The following FDXR variants were observed in gnomAD, a reference collection of about 807,000 sequenced individuals.
FDXR encodes the protein ferredoxin reductase, also known as NADPH:adrenodoxin oxidoreductase, mitochondrial.
Under a neutral mutation model 58.3 loss-of-function variants are expected in FDXR, and 38 were observed. The ratio of observed to expected loss-of-function variants is 0.65; its 90% CI spans 0.50 to 0.85. FDXR has a LOEUF of 0.85. Among genes scored for constraint, FDXR ranks in the 40% least tolerant of loss-of-function variants. The probability of loss-of-function intolerance (pLI) is 0.00; values close to 1 mark genes in which losing one functional copy is unlikely to be tolerated. For synonymous variants in FDXR, 275 were observed against 273.8 expected (o/e 1.00, Z -0.04); for missense variants, 624 against 671.0 (o/e 0.93, Z 0.77).
At chr17:74,863,827 GC>G (rs775821174) in intron 10 of FDXR, 68 bp downstream of exon 10, 1 of 1,542,852 alleles carries the variant, frequency 6.5e-7, no homozygotes, top group Non-Finnish European at 8.8e-7. Flanking sequence ...TGAACGCATG[GC>G]CCCAGGAGAT....
intron 2 of FDXR, among the ~76,000 whole-genome samples, chr17:74,867,777 C>G (rs2038242503): frequency 6.7e-6 from 1 of 149,160 alleles, no homozygotes; most frequent in South Asian, 2.1e-4. Flanking sequence ...GCTCTGCCAC[C>G]AACCAGCCAC....
At position 74,863,943 on chromosome 17, in the gene FDXR, T is replaced by C. The variant is rs141306639; in HGVS notation, c.1127A>G (p.Lys376Arg). ...CTCCACATTGGGGATGACCCCAAGC[T>C]TGGAGTCAAAGGGCACGCTTGGGTC... ...PVDPSVPFDS[K>R]LGVIPNVEGR... is the part of the protein sequence containing the mutation. Residue 376 changes from lysine (K) to arginine (R), a missense_variant, in exon 10 of 12, where the codon AAG becomes AGG. Coordinates refer to ENST00000293195, the MANE Select transcript of FDXR (RefSeq NM_024417.5). 264 of 1,614,016 alleles carry C rather than the reference T, an allele frequency of 1.6e-4. No individual in the cohort carries two copies. The African/African-American group carries it at 2.4e-3, about 15-fold the overall frequency.
intron 3 of FDXR, 59 bp from the exon 4 acceptor site, chr17:74,866,627 T>A (rs1284600859): frequency 5.6e-6 from 9 of 1,609,766 alleles, no homozygotes; most frequent in Non-Finnish European, 7.6e-6. Context: ...AGGGACCAAG[T>A]CTGCACCACC....
rs368300344 is a variant in FDXR at position 74,866,385 on chromosome 17, C to T, written c.393+61G>A. On this transcript the variant is annotated intron_variant, in intron 4 of 11. Transcript: ENST00000293195. ...GCCTCACCCCTGCTGCCTTCCACCC[C>T]GAGCCACCGGCCTCCTTCTGCAGCC... 52 of 1,597,678 alleles carry T rather than the reference C, an allele frequency of 3.3e-5. 1 individual carries two copies. Among genetic ancestry groups the T allele is most frequent in the Middle Eastern group, 3.4e-4 (2 of 5,910 alleles).
intron 2 of FDXR, chr17:74,868,623 C>A: frequency 1.3e-6 from 2 of 1,535,694 alleles, no homozygotes; most frequent in East Asian, 4.9e-5. Flanking sequence ...GGGCCACCTC[C>A]GGAACGCTAA....
In FDXR at chr17:74,864,295, T is replaced by C; in HGVS notation, c.855A>G (p.Thr285=). ...CAGCTTCCGCCGGCCCTGGCTTCTCTGTGGCCGTTCGAAGCAGCAGTTCCG... is the reference window on the plus strand; with the variant it reads ...CAGCTTCCGCCGGCCCTGGCTTCTCCGTGGCCGTTCGAAGCAGCAGTTCCG... ...RLTELLLRTA[T]EKPGPAEAAR... Residue 285 remains threonine (T), a synonymous_variant, in exon 9 of 12, where the codon ACA becomes ACG. Coordinates refer to ENST00000293195, the MANE Select transcript of FDXR (RefSeq NM_024417.5). The C allele has an allele frequency of 1.3e-6, 2 of 1,589,610 alleles. No homozygotes were observed. The highest frequency in any genetic ancestry group is 1.4e-5 in the African/African-American group (1 of 74,056).
At chr17:74,867,097 A>G in intron 2 of FDXR, 1 of 916,312 alleles carries the variant, frequency 1.1e-6, no homozygotes, top group Non-Finnish European at 1.6e-6. Context: ...ACCTGAGGTC[A>G]GGAGTTCGAG....
rs760338497 is a variant in FDXR at position 74,863,273 on chromosome 17, G to A, written c.1175-27C>T. 34 of 1,599,142 alleles carry A rather than the reference G, an allele frequency of 2.1e-5. No individual in the cohort carries two copies. In the Middle Eastern group the frequency reaches 5.0e-4, roughly 23 times the overall value. On this transcript the variant is annotated intron_variant, in intron 10 of 11. Transcript: ENST00000293195. ...TGAGAGGGGGTAACAAAAGGGGAAG[G>A]GAGGGAGGTGGCTGGATACCACCCT...
chr17:74,871,562 G>C (rs538140968), intron 2 of FDXR, among the ~76,000 whole-genome samples: 1 of 152,212 alleles, frequency 6.6e-6, no homozygotes, highest in Admixed American at 6.5e-5. Context: ...GAAGGGGGAG[G>C]GGCAGAGGGC....
Position 74,864,183 on chromosome 17 carries a change from C to G in FDXR, c.967G>C (p.Ala323Pro), listed in dbSNP as rs1191883103. ...GTGACTGCTAGGCGGACACCTGCTG[C>G]CCGCCGCCCATCTGGTGAGGGCAGC... ...QVLPSPDGRR[A>P]AGVRLAVTRL... Residue 323 changes from alanine to proline, a missense_variant, in exon 9 of 12, where the codon GCA becomes CCA. Ala to Pro is a conservative substitution (Grantham distance 27). Transcript: ENST00000293195. The G allele has an allele frequency of 1.2e-6, 2 of 1,612,592 alleles. No homozygotes were observed. The highest frequency in any genetic ancestry group is 3.3e-5 in the Admixed American group (2 of 60,004).
chr17:74,869,814 T>C (rs2038311941), intron 2 of FDXR: 2 of 380,084 alleles, frequency 5.3e-6, no homozygotes, highest in African/African-American at 2.0e-5. Context: ...GCCCAGAACA[T>C]GTTACGTCCA....
rs1485133778 is a variant in FDXR at position 74,862,658 on chromosome 17, C to T, written c.*159G>A. 9.4e-7 allele frequency: 1 copy of T among 1,062,018 alleles called. No homozygotes were observed. The highest frequency in any genetic ancestry group is 1.3e-6 in the Non-Finnish European group (1 of 758,842). The allele number at this position is 1,062,018 out of a possible 1,614,324, so 65.8% of individuals were successfully genotyped here. Reference sequence around the variant, plus strand: ...CTAAAACCTTGCGCGCAAGGGCGACCTTCCCCAGGAGGGAGGAGAGACGCT... The same window carrying T: ...CTAAAACCTTGCGCGCAAGGGCGACTTTCCCCAGGAGGGAGGAGAGACGCT... On this transcript the variant is annotated 3_prime_UTR_variant, in exon 12 of 12. Transcript: ENST00000293195.
intron 6 of FDXR, among the ~76,000 whole-genome samples, chr17:74,865,162 T>C (rs1000536266): frequency 6.6e-6 from 1 of 152,086 alleles, no homozygotes; most frequent in Non-Finnish European, 1.5e-5. Flanking sequence ...GCCTCTACCA[T>C]GTGCTCACCC....
chr17:74,864,774 GAGGCCCCCT>G (rs2038109471), intron 7 of FDXR, 41 bp downstream of exon 7: 1 of 1,611,564 alleles, frequency 6.2e-7, no homozygotes, highest in African/African-American at 1.3e-5. Flanking sequence ...CCCTTAAGGA[GAGGCCCCCT>G]CCACCTGGAA....
chr17:74,870,320 C>T (rs1177388720), intron 2 of FDXR, among the ~76,000 whole-genome samples: 2 of 152,192 alleles, frequency 1.3e-5, no homozygotes, highest in East Asian at 3.9e-4. Context: ...AGTTCAAAAC[C>T]AGCCTGATCA....
Position 74,866,464 on chromosome 17 carries a change from G to A in FDXR, c.375C>T (p.Ala125=). The A allele has an allele frequency of 6.2e-7, 1 of 1,613,290 alleles. No homozygotes were observed. Among genetic ancestry groups the A allele is most frequent in the Non-Finnish European group, 8.5e-7 (1 of 1,179,830 alleles). The change falls in exon 4 of 12, where the codon GCC becomes GCT. Residue 125 remains alanine, a synonymous_variant. Coordinates refer to ENST00000293195, the MANE Select transcript of FDXR (RefSeq NM_024417.5). Reference sequence around the variant, plus strand: ...CACTCACCAGCACCACAGCGTGGTAGGCCTCCTGCAGCTCCGGCACCGTCA... The same window carrying A: ...CACTCACCAGCACCACAGCGTGGTAAGCCTCCTGCAGCTCCGGCACCGTCA... The part of the protein sequence containing the change: ...RDVTVPELQE[A]YHAVVLSYGA...
At chr17:74,868,471 C>T in intron 2 of FDXR, 1 of 961,644 alleles carries the variant, frequency 1.0e-6, no homozygotes, top group South Asian at 1.4e-5. Context: ...GCTCAAAAAT[C>T]TTCGCTGGGG....
chr17:74,862,755 C>A lies in FDXR; in HGVS notation c.*62G>T. 1.3e-6 allele frequency: 2 copies of A among 1,550,990 alleles called. No homozygotes were observed. Among genetic ancestry groups the A allele is most frequent in the Non-Finnish European group, 1.7e-6 (2 of 1,151,626 alleles). On this transcript the variant is annotated 3_prime_UTR_variant, in exon 12 of 12. Coordinates refer to ENST00000293195, the MANE Select transcript of FDXR (RefSeq NM_024417.5). ...AGGTGCAAAGTCCCACTCAGACGGA[C>A]CCAGCCCTTCCCCTCCCAACACTCA...
At chr17:74,869,802 G>A (rs2038311351) in intron 2 of FDXR, 1 of 363,054 alleles carries the variant, frequency 2.8e-6, no homozygotes, top group South Asian at 1.9e-5. Flanking sequence ...AGTAAAGCCT[G>A]CGCCCAGAAC....
Sources: allele counts gnomAD v4.1 joint callset (sites outside exome capture counted in the v4.1 genomes callset), GRCh38; gene constraint gnomAD v4.1.1; transcripts MANE v1.5; gene names NCBI Gene and HGNC (gene_info 2026-07-23, HGNC 2026-07-21).